UMOD: variants seen among roughly 807,000 people sequenced by gnomAD.
The protein encoded by UMOD is uromodulin, also known as Tamm-Horsfall urinary glycoprotein.
UMOD carries 64 observed loss-of-function variants against 66.0 expected under a neutral mutation model. That is an observed-to-expected ratio of 0.97 (90% confidence interval 0.79 to 1.19). The LOEUF (loss-of-function observed/expected upper bound fraction) is 1.19. Ranked by LOEUF, UMOD falls within the 50% of genes most tolerant of loss-of-function variation. UMOD has a pLI of 0.00. For synonymous variants in UMOD, 398 were observed against 352.7 expected (o/e 1.13, Z -1.44); for missense variants, 764 against 850.9 (o/e 0.90, Z 1.27).
chr16:20,341,273 G>T lies in UMOD; in HGVS notation c.1395C>A (p.Thr465=), dbSNP rs1293135261. ...CTTGGTAGGGCTGCGTGTAGGAAGG[G>T]GTCTGGAAGAGCGCCATCCGCACGG... ...MFTVRMALFQ[T]PSYTQPYQGS... Residue 465 remains threonine (T), a synonymous_variant, in exon 7 of 11, where the codon ACC becomes ACA. Coordinates refer to ENST00000396138, the MANE Select transcript of UMOD (RefSeq NM_003361.4). 1 of 1,614,086 alleles carries T rather than the reference G, an allele frequency of 6.2e-7. No individual in the cohort carries two copies. The highest frequency in any genetic ancestry group is 1.3e-5 in the African/African-American group (1 of 75,016).
At chr16:20,345,328 C>T (rs986311509) in intron 5 of UMOD, among the ~76,000 whole-genome samples, 3 of 138,382 alleles carry the variant, frequency 2.2e-5, no homozygotes, top group Non-Finnish European at 4.5e-5. Flanking sequence ...TTAAATCTTT[C>T]TTTTTCTTTC....
At chr16:20,344,195 A>AGGGGGGGGGGGGGGGG in intron 5 of UMOD, 23 bp from the exon 6 acceptor site, 1 of 562,622 alleles carries the variant, frequency 1.8e-6, no homozygotes, top group Non-Finnish European at 2.8e-6. Flanking sequence ...ATGGGGGTGG[A>AGGGGGGGGGGGGGGGG]GGGGGGGTGG....
upstream of UMOD, chr16:20,352,901 G>C: frequency 2.3e-6 from 1 of 441,646 alleles, no homozygotes; most frequent in Non-Finnish European, 3.7e-6. Flanking sequence ...AATAGCTAGA[G>C]ACCCCAAATG....
intron 6 of UMOD, among the ~76,000 whole-genome samples, chr16:20,343,109 G>A (rs1392448176): frequency 1.5e-5 from 2 of 131,298 alleles, no homozygotes; most frequent in South Asian, 2.4e-4. Flanking sequence ...CAGCCTGGGC[G>A]ACAGTACGAG....
Position 20,348,593 on chromosome 16 carries a change from C to G in UMOD, c.708G>C (p.Pro236=). ...GGCTCACGATGCCCTCGTCGCTGGA[C>G]GGATGCGTGCCATTGAGCCACATGG... ...AAPMWLNGTH[P]SSDEGIVSRK... Residue 236 remains proline, a synonymous_variant, in exon 3 of 11, where the codon CCG becomes CCC. Coordinates refer to ENST00000396138, the MANE Select transcript of UMOD (RefSeq NM_003361.4). 6.3e-7 allele frequency: 1 copy of G among 1,591,318 alleles called. No individual in the cohort carries two copies. Among genetic ancestry groups the G allele is most frequent in the Non-Finnish European group, 8.5e-7 (1 of 1,173,990 alleles).
chr16:20,350,882 C>T (rs1965856995), intron 1 of UMOD, 43 bp from the exon 2 acceptor site: 2 of 1,517,956 alleles, frequency 1.3e-6, no homozygotes, highest in African/African-American at 1.4e-5. Flanking sequence ...ATCTAACTCT[C>T]CTCCCCACAG....
At position 20,348,333 on chromosome 16, in the gene UMOD, G is replaced by T. The variant is rs374734179; in HGVS notation, c.866-3C>A. The T allele has an allele frequency of 1.2e-6, 2 of 1,614,190 alleles. 1 individual carries two copies. Among genetic ancestry groups the T allele is most frequent in the East Asian group, 4.5e-5 (2 of 44,884 alleles). On this transcript the variant is annotated splice_region_variant and splice_polypyrimidine_tract_variant and intron_variant, in intron 3 of 10. Coordinates refer to ENST00000396138, the MANE Select transcript of UMOD (RefSeq NM_003361.4). ...CGTCCCCTCCACGGAGCTGGGGTCT[G>T]CAGGGTCACAGGGACAGACAGACAA...
chr16:20,350,888 C>T, intron 1 of UMOD, 49 bp from the exon 2 acceptor site: 1 of 1,500,818 alleles, frequency 6.7e-7, no homozygotes, highest in South Asian at 1.3e-5. Flanking sequence ...CTCTCCTCCC[C>T]ACAGCTGGAA....
chr16:20,334,768 TTG>T (rs1343033382), intron 10 of UMOD, among the ~76,000 whole-genome samples: 4 of 151,952 alleles, frequency 2.6e-5, no homozygotes, highest in African/African-American at 9.7e-5. Flanking sequence ...TTCTTATTTG[TTG>T]TGTTTACCCC....
Position 20,350,694 on chromosome 16 carries a change from GCCA to G in UMOD, c.41_43del (p.Val14del), listed in dbSNP as rs538439182. 8.7e-5 allele frequency: 141 copies of G among 1,614,098 alleles called. 2 individuals carry two copies. The South Asian group carries it at 1.3e-3, about 15-fold the overall frequency. On this transcript the variant is annotated inframe_deletion, in exon 2 of 11. Transcript: ENST00000396138. Reference sequence around the variant, plus strand: ...GGCTGCAGTTGTGATGAACCAAGAGGCCACCACCACCATCAGCATCCAAGTCAG... The same window carrying G: ...GGCTGCAGTTGTGATGAACCAAGAGGCCACCACCATCAGCATCCAAGTCAG...
intron 7 of UMOD, among the ~76,000 whole-genome samples, chr16:20,339,230 T>G (rs1177314088): frequency 1.3e-5 from 2 of 152,250 alleles, no homozygotes. Flanking sequence ...ATCAAGGTCA[T>G]GCCAACAGTT....
rs540024881 is a variant in UMOD at position 20,342,208 on chromosome 16, G to T, written c.1332-872C>A. Among the ~76,000 whole-genome samples the T allele has an allele frequency of 3.9e-5, 6 of 152,320 alleles. No homozygotes were observed. In the East Asian group the frequency reaches 1.2e-3, roughly 29 times the overall value. On this transcript the variant is annotated intron_variant, in intron 6 of 10. Transcript: ENST00000396138. ...AAAATATTTTTAAAAATAGCCCAGG[G>T]TGGTGTGGTGGCATGTGTCTGTAGT...
intron 4 of UMOD, among the ~76,000 whole-genome samples, chr16:20,347,769 A>G (rs1281240840): frequency 6.6e-6 from 1 of 152,234 alleles, no homozygotes; most frequent in Non-Finnish European, 1.5e-5. Context: ...TTCATCTTCA[A>G]TAATTGTACC....
chr16:20,352,300 C>A (rs1047872270), intron 1 of UMOD, among the ~76,000 whole-genome samples: 1 of 151,944 alleles, frequency 6.6e-6, no homozygotes, highest in African/African-American at 2.4e-5. Flanking sequence ...TGGATATAAC[C>A]CACAAAAGGA....
chr16:20,343,064 A>C (rs1965325546), intron 6 of UMOD, among the ~76,000 whole-genome samples: 2 of 152,120 alleles, frequency 1.3e-5, no homozygotes, highest in Non-Finnish European at 2.9e-5. Flanking sequence ...TGGGAGGCGG[A>C]GGTTGAAGTG....
At chr16:20,336,866 C>A in intron 8 of UMOD, 139 bp from the exon 9 acceptor site, 1 of 727,726 alleles carries the variant, frequency 1.4e-6, no homozygotes. Flanking sequence ...TATACCGGGG[C>A]TCGTGCAGGT....
chr16:20,348,218 C>T lies in UMOD; in HGVS notation c.973+5G>A. ...AACAACCCGCTTCCTCCCCACTGGCCTCACCAGTGATGTTGAAGTCCTGTT... is the reference window on the plus strand; with the variant it reads ...AACAACCCGCTTCCTCCCCACTGGCTTCACCAGTGATGTTGAAGTCCTGTT... On this transcript the variant is annotated splice_donor_5th_base_variant and intron_variant, in intron 4 of 10. Transcript: ENST00000396138. The T allele has an allele frequency of 6.2e-7, 1 of 1,612,862 alleles. No individual in the cohort carries two copies. Among genetic ancestry groups the T allele is most frequent in the Non-Finnish European group, 8.5e-7 (1 of 1,179,088 alleles).
chr16:20,351,641 A>AGTTCAAAGACATTCATGT (rs1385797372), intron 1 of UMOD, among the ~76,000 whole-genome samples: 1 of 152,200 alleles, frequency 6.6e-6, no homozygotes, highest in Non-Finnish European at 1.5e-5. Context: ...GGCCAGGCTC[A>AGTTCAAAGACATTCATGT]GTTCAAAGAC....
chr16:20,335,397 G>T, intron 10 of UMOD, 85 bp downstream of exon 10: 1 of 1,388,602 alleles, frequency 7.2e-7, no homozygotes, highest in Non-Finnish European at 1.0e-6. Flanking sequence ...TTATAGAGTT[G>T]CTATGAAGCA....
Sources: gnomAD v4.1 joint callset for allele counts (sites outside exome capture counted in the v4.1 genomes callset) on GRCh38, gnomAD v4.1.1 for gene constraint, MANE v1.5 for transcripts, NCBI Gene and HGNC (gene_info 2026-07-23, HGNC 2026-07-21) for gene names.